UBTD2: variants seen among roughly 807,000 people sequenced by gnomAD.
UBTD2 encodes the protein ubiquitin domain-containing protein 2.
Under a neutral mutation model 19.8 loss-of-function variants are expected in UBTD2, and 9 were observed. That is an observed-to-expected ratio of 0.46 (90% CI 0.27 to 0.79). The LOEUF is 0.79. Ranked by LOEUF, UBTD2 falls within the 30% of genes least tolerant of loss-of-function variation. The pLI is 0.14. For missense variants in UBTD2, 250 were observed against 300.4 expected (o/e 0.83, Z 1.24); for synonymous variants, 98 against 103.9 (o/e 0.94, Z 0.35).
At chr5:172,268,156 T>C (rs1483745230) in intron 1 of UBTD2, among the ~76,000 whole-genome samples, 4 of 152,178 alleles carry the variant, frequency 2.6e-5, no homozygotes, top group South Asian at 2.1e-4. Flanking sequence ...TGTATAAAAA[T>C]AGCCATGATA....
At chr5:172,268,849 G>T (rs957094183) in intron 1 of UBTD2, among the ~76,000 whole-genome samples, 1 of 152,054 alleles carries the variant, frequency 6.6e-6, no homozygotes, top group Non-Finnish European at 1.5e-5. Flanking sequence ...ATCTGATTTT[G>T]GGGAAAAAAA....
At chr5:172,263,051 C>G (rs193121835) in intron 1 of UBTD2, among the ~76,000 whole-genome samples, 173 of 152,146 alleles carry the variant, frequency 1.1e-3, no homozygotes, top group Middle Eastern at 6.8e-3. Context: ...GATCCTCCCA[C>G]CTCAGCCCCC....
At chr5:172,255,629 G>A (rs1477477706) in intron 1 of UBTD2, among the ~76,000 whole-genome samples, 2 of 152,100 alleles carry the variant, frequency 1.3e-5, no homozygotes, top group African/African-American at 2.4e-5. Context: ...CCTGCGTTCC[G>A]GCTGGGGCCC....
chr5:172,232,458 A>C (rs1316044926), intron 2 of UBTD2, among the ~76,000 whole-genome samples: 1 of 152,180 alleles, frequency 6.6e-6, no homozygotes, highest in Non-Finnish European at 1.5e-5. Flanking sequence ...TATGCTAATA[A>C]ACTTTCATAA....
intron 1 of UBTD2, among the ~76,000 whole-genome samples, chr5:172,255,966 G>A (rs1413240169): frequency 1.3e-5 from 2 of 152,032 alleles, no homozygotes; most frequent in African/African-American, 4.8e-5. Context: ...GCGGATACCT[G>A]TAATCCCAGC....
At chr5:172,258,325 T>C (rs1219313476) in intron 1 of UBTD2, among the ~76,000 whole-genome samples, 1 of 152,242 alleles carries the variant, frequency 6.6e-6, no homozygotes, top group Non-Finnish European at 1.5e-5. Flanking sequence ...TTCTGGGTTA[T>C]GTAACTCATT....
intron 2 of UBTD2, among the ~76,000 whole-genome samples, chr5:172,215,319 TAG>T (rs987920062): frequency 1.3e-5 from 2 of 152,182 alleles, no homozygotes; most frequent in Admixed American, 6.5e-5. Context: ...AGAAACTAAC[TAG>T]AGTCTATCCT....
chr5:172,269,210 C>T (rs185538456), intron 1 of UBTD2, among the ~76,000 whole-genome samples: 51 of 151,982 alleles, frequency 3.4e-4, no homozygotes, highest in African/African-American at 1.2e-3. Flanking sequence ...AAAGTTTGGG[C>T]GGGGCGGGGT....
rs56277139 is a variant in UBTD2, at chr5:172,277,067, C to CA, written c.70+6528dup. ...CTGGGTGACAAAGCAGACTCTGTCTCAAAAAAAAAAAAAAAAAAAAAAAAA... is the reference window on the plus strand; with the variant it reads ...CTGGGTGACAAAGCAGACTCTGTCTCAAAAAAAAAAAAAAAAAAAAAAAAAA... On this transcript the variant is annotated intron_variant, in intron 1 of 2. Coordinates refer to ENST00000393792, the MANE Select transcript of UBTD2 (RefSeq NM_152277.3). Among the ~76,000 whole-genome samples, 508 of 65,100 alleles carry CA rather than the reference C, an allele frequency of 7.8e-3. 16 individuals are homozygous for CA. Among genetic ancestry groups the CA allele is most frequent in the Middle Eastern group, 0.012 (1 of 84 alleles). The allele number at this position is 65,100 out of a possible 152,430, so 42.7% of individuals were successfully genotyped here. A position where few individuals can be genotyped will look rare whatever the true frequency, so the allele number is the denominator to read the frequency against.
intron 1 of UBTD2, among the ~76,000 whole-genome samples, chr5:172,280,238 C>T (rs550008129): frequency 2.0e-5 from 3 of 150,756 alleles, no homozygotes; most frequent in East Asian, 3.9e-4. Flanking sequence ...TGGGCACAGT[C>T]GCTCACACCT....
chr5:172,230,785 AT>A (rs11332821), intron 2 of UBTD2, among the ~76,000 whole-genome samples: 14,396 of 142,968 alleles, frequency 0.1, 615 homozygotes, highest in African/African-American at 0.14. Context: ...TTTTTTCCTT[AT>A]TTTTTTTTTT....
In UBTD2 at chr5:172,267,303, T is replaced by C. The variant is rs545220183; in HGVS notation, c.70+16293A>G. ...CAAAATGATTGTAAAGGCATTGGAA[T>C]GAAGCTTTTCTTGCCATCTTTACGC... On this transcript the variant is annotated intron_variant, in intron 1 of 2. Transcript: ENST00000393792. Among the ~76,000 whole-genome samples, 15 of 152,348 alleles carry C rather than the reference T, an allele frequency of 9.8e-5. No homozygotes were observed. In the East Asian group the frequency reaches 2.3e-3, roughly 23 times the overall value.
intron 2 of UBTD2, among the ~76,000 whole-genome samples, chr5:172,221,013 A>C (rs2113877965): frequency 6.6e-6 from 1 of 152,364 alleles, no homozygotes; most frequent in Non-Finnish European, 1.5e-5. Flanking sequence ...CACAATTTAC[A>C]TTAGCACCTC....
In UBTD2 at chr5:172,211,874, T is replaced by C; in HGVS notation, c.661A>G (p.Ile221Val). 1 of 1,614,204 alleles carries C rather than the reference T, an allele frequency of 6.2e-7. No individual in the cohort carries two copies. Among genetic ancestry groups the C allele is most frequent in the South Asian group, 1.1e-5 (1 of 91,088 alleles). ...GGGTTCTGCACAGGTTGGCTCACTA[T>C]AACCTGTACAACATAGTCCTTTGGG... is the stretch of plus-strand genomic sequence containing the variant. The part of the protein sequence containing the change: ...KIPKDYVVQV[I>V]VSQPVQNPTP... The change falls in exon 3 of 3, where the codon ATA becomes GTA. Residue 221 changes from isoleucine to valine, a missense_variant. Transcript: ENST00000393792.
rs1440532115 is a variant in UBTD2, at chr5:172,211,405, A to G, written c.*425T>C. 2 of 153,976 alleles carry G rather than the reference A, an allele frequency of 1.3e-5. No homozygotes were observed. Among genetic ancestry groups the G allele is most frequent in the East Asian group, 3.8e-4 (2 of 5,244 alleles). The allele number at this position is 153,976 out of a possible 1,614,324, so 9.5% of individuals were successfully genotyped here. Reference sequence around the variant, plus strand: ...AAACAAAACAAAAAGGTTAAGTTTTATATCCATTATTTATGGTTTCTGGAA... The same window carrying G: ...AAACAAAACAAAAAGGTTAAGTTTTGTATCCATTATTTATGGTTTCTGGAA... On this transcript the variant is annotated 3_prime_UTR_variant, in exon 3 of 3. Coordinates refer to ENST00000393792, the MANE Select transcript of UBTD2 (RefSeq NM_152277.3).
chr5:172,270,409 G>A (rs1755463013), intron 1 of UBTD2, among the ~76,000 whole-genome samples: 1 of 139,820 alleles, frequency 7.2e-6, no homozygotes, highest in Non-Finnish European at 1.5e-5. Flanking sequence ...CCAGGCCGGA[G>A]TGCAATGGTG....
chr5:172,282,248 A>G (rs1755732928), intron 1 of UBTD2, among the ~76,000 whole-genome samples: 1 of 152,200 alleles, frequency 6.6e-6, no homozygotes, highest in Non-Finnish European at 1.5e-5. Context: ...TGCCCTTTTT[A>G]TCTTCCTGCT....
At chr5:172,240,356 G>A (rs756552154) in intron 1 of UBTD2, among the ~76,000 whole-genome samples, 8 of 152,064 alleles carry the variant, frequency 5.3e-5, no homozygotes, top group Non-Finnish European at 8.8e-5. Flanking sequence ...ATCATTTTCC[G>A]TACTATAATT....
At chr5:172,224,822 A>G (rs995398051) in intron 2 of UBTD2, among the ~76,000 whole-genome samples, 2 of 152,246 alleles carry the variant, frequency 1.3e-5, no homozygotes, top group Non-Finnish European at 2.9e-5. Context: ...AGACTAATAC[A>G]GAGAGGTTTG....
Sources: allele counts gnomAD v4.1 joint callset (sites outside exome capture counted in the v4.1 genomes callset), GRCh38; gene constraint gnomAD v4.1.1; transcripts MANE v1.5; gene names NCBI Gene and HGNC (gene_info 2026-07-23, HGNC 2026-07-21).